The following DLC1 variants were observed in gnomAD, a reference collection of about 807,000 sequenced individuals.
DLC1 encodes rho GTPase-activating protein 7.
In DLC1, 54 loss-of-function variants were observed where a neutral mutation model predicts 140.3. That is an observed-to-expected ratio of 0.38 (90% confidence interval 0.31 to 0.48). The LOEUF (loss-of-function observed/expected upper bound fraction) is 0.48, where lower values mean the gene tolerates loss of function less well. Ranked by LOEUF, DLC1 falls within the 20% of genes least tolerant of loss-of-function variation. The pLI is 0.96. For missense variants in DLC1, 2,536 were observed against 1,907.0 expected, an observed-to-expected ratio of 1.33 and a Z score of -6.14; for synonymous variants, 986 against 728.1, an observed-to-expected ratio of 1.35 and a Z score of -5.70.
chr8:13,542,586 A>G (rs866624662), intron 1 of DLC1, among the ~76,000 whole-genome samples: 6 of 152,164 alleles, frequency 3.9e-5, no homozygotes, highest in Non-Finnish European at 4.4e-5. Flanking sequence ...GAGATTGATC[A>G]AATGTCACCT....
At chr8:13,275,247 G>T (rs908856657) in intron 5 of DLC1, among the ~76,000 whole-genome samples, 1 of 152,110 alleles carries the variant, frequency 6.6e-6, no homozygotes, top group Non-Finnish European at 1.5e-5. Flanking sequence ...TATCACAATC[G>T]CACACTTTAA....
At chr8:13,450,452 C>CAAAAAAA (rs759911909) in intron 2 of DLC1, among the ~76,000 whole-genome samples, 9 of 53,352 alleles carry the variant, frequency 1.7e-4, no homozygotes, top group Non-Finnish European at 3.0e-4. Flanking sequence ...GAGACTGTCT[C>CAAAAAAA]AAAAAAAAAA....
intron 4 of DLC1, among the ~76,000 whole-genome samples, chr8:13,316,872 C>T (rs1832880948): frequency 6.6e-6 from 1 of 152,142 alleles, no homozygotes; most frequent in South Asian, 2.1e-4. Context: ...TAACTAATCC[C>T]TTCTCAAATA....
intron 5 of DLC1, among the ~76,000 whole-genome samples, chr8:13,155,123 C>T (rs1448229448): frequency 7.6e-6 from 1 of 132,050 alleles, no homozygotes; most frequent in African/African-American, 2.7e-5. Flanking sequence ...CTTTCTACAA[C>T]TTGCGCTGCT....
intron 1 of DLC1, among the ~76,000 whole-genome samples, chr8:13,565,627 G>C (rs1804400722): frequency 6.6e-6 from 1 of 152,060 alleles, no homozygotes; most frequent in South Asian, 2.1e-4. Flanking sequence ...CTTTTTGCCA[G>C]AATGAACATT....
At chr8:13,454,950 G>A (rs188055963) in intron 2 of DLC1, among the ~76,000 whole-genome samples, 1 of 152,042 alleles carries the variant, frequency 6.6e-6, no homozygotes, top group African/African-American at 2.4e-5. Flanking sequence ...GCATGTTTGG[G>A]ACTTCTTTGA....
intron 5 of DLC1, among the ~76,000 whole-genome samples, chr8:13,264,580 G>T (rs1041525003): frequency 1.3e-5 from 2 of 152,226 alleles, no homozygotes; most frequent in East Asian, 1.9e-4. Context: ...GAGAACTTCA[G>T]GGGGAGCGGG....
chr8:13,096,521 C>T (rs1448148626), intron 10 of DLC1, among the ~76,000 whole-genome samples: 1 of 152,024 alleles, frequency 6.6e-6, no homozygotes, highest in African/African-American at 2.4e-5. Context: ...GTGCATAATA[C>T]TCGCTTTGTC....
rs1013710423 is a variant in DLC1, at chr8:13,558,516, A to T, written c.-126+46021T>A. The T allele has an allele frequency of 6.6e-5, 10 of 152,252 alleles. 1 individual carries two copies. In the South Asian group the frequency reaches 2.1e-3, roughly 32 times the overall value. 9.4% of individuals were successfully genotyped at this position (152,252 alleles called of 1,614,324 possible). A position where few individuals can be genotyped will look rare whatever the true frequency, so the allele number is the denominator to read the frequency against. On this transcript the variant is annotated intron_variant, in intron 1 of 1. Transcript: ENST00000631382. ...GAACTTTTAAATATTTGATATTTGC[A>T]TTTTGGTTAACCGAAGCCTATATTT...
chr8:13,368,302 ACG>A (rs567545471), intron 4 of DLC1, among the ~76,000 whole-genome samples: 232 of 152,228 alleles, frequency 1.5e-3, no homozygotes, highest in African/African-American at 5.2e-3. Flanking sequence ...TCAAATTCAT[ACG>A]TTCCTTTCTT....
At chr8:13,242,869 C>G (rs1306472872) in intron 5 of DLC1, among the ~76,000 whole-genome samples, 1 of 151,950 alleles carries the variant, frequency 6.6e-6, no homozygotes, top group Non-Finnish European at 1.5e-5. Context: ...GTTTAGTGAG[C>G]AGGACTGATA....
intron 1 of DLC1, among the ~76,000 whole-genome samples, chr8:13,542,696 G>A (rs994034595): frequency 2.1e-4 from 32 of 151,858 alleles, no homozygotes; most frequent in East Asian, 3.9e-4. Flanking sequence ...CAGTTTGTAG[G>A]CCTTACATAA....
chr8:13,207,845 T>C (rs953842682), intron 5 of DLC1, among the ~76,000 whole-genome samples: 4 of 152,152 alleles, frequency 2.6e-5, no homozygotes, highest in Admixed American at 1.3e-4. Context: ...AAAACGTCAA[T>C]GGTGCCGGGG....
intron 5 of DLC1, among the ~76,000 whole-genome samples, chr8:13,143,813 TGAGAGAGAGAGAGAGA>T (rs35079610): frequency 1.1e-3 from 137 of 128,714 alleles, no homozygotes; most frequent in Admixed American, 2.2e-3. Context: ...AATGAAAAGC[TGAGAGAGAGAGAGAGA>T]GAGAGAGAGA....
At position 13,133,118 on chromosome 8, in the gene DLC1, C is replaced by T. The variant is rs1822262017; in HGVS notation, c.1349-17461G>A. On this transcript the variant is annotated intron_variant, in intron 5 of 17. Transcript: ENST00000276297. The stretch of plus-strand genomic sequence containing the variant: ...CTCAACGCATCCTTGCTCGCCGCTC[C>T]CTGCCCCTCGTCACGGCCCCAGAAA... 27 of 1,467,300 alleles carry T rather than the reference C, an allele frequency of 1.8e-5. 1 individual carries two copies. The South Asian group carries it at 3.8e-4, about 21-fold the overall frequency. The allele number at this position is 1,467,300 out of a possible 1,614,324, so 90.9% of individuals were successfully genotyped here. A position where few individuals can be genotyped will look rare whatever the true frequency, so the allele number is the denominator to read the frequency against.
In DLC1 at chr8:13,099,358, G is replaced by C. The variant is rs766585823; in HGVS notation, c.2979C>G (p.Thr993=). The C allele has an allele frequency of 1.2e-6, 2 of 1,613,640 alleles. No homozygotes were observed. The highest frequency in any genetic ancestry group is 4.5e-5 in the East Asian group (2 of 44,848). ...AGAAAAGTTCTTACCTGTTGGACCT[G>C]GTTAGGGAAGCCCCAACCCCAGAAT... ...RRDSGVGASL[T]RSNRHRLRWH... Residue 993 remains threonine, a synonymous_variant, in exon 9 of 18, where the codon ACC becomes ACG. Coordinates refer to ENST00000276297, the MANE Select transcript of DLC1 (RefSeq NM_182643.3).
intron 5 of DLC1, among the ~76,000 whole-genome samples, chr8:13,233,000 T>G (rs1042295122): frequency 6.6e-6 from 1 of 152,136 alleles, no homozygotes; most frequent in Admixed American, 6.6e-5. Context: ...ATGTTGCATA[T>G]ATTCACATTT....
At chr8:13,279,621 CA>C (rs1370684766) in intron 5 of DLC1, among the ~76,000 whole-genome samples, 3 of 152,204 alleles carry the variant, frequency 2.0e-5, no homozygotes, top group Non-Finnish European at 4.4e-5. Flanking sequence ...TCATTTCTGA[CA>C]ACTCATTAAG....
At chr8:13,336,384 T>C (rs1277165205) in intron 4 of DLC1, among the ~76,000 whole-genome samples, 1 of 152,224 alleles carries the variant, frequency 6.6e-6, no homozygotes, top group East Asian at 1.9e-4. Flanking sequence ...ACTATATTAA[T>C]TTTTCAGACT....
Sources: gnomAD v4.1 joint callset for allele counts (sites outside exome capture counted in the v4.1 genomes callset) on GRCh38, gnomAD v4.1.1 for gene constraint, MANE v1.5 for transcripts, NCBI Gene and HGNC (gene_info 2026-07-23, HGNC 2026-07-21) for gene names.